Variants in ADAMTSL1 observed in about 807,000 individuals in gnomAD.
The protein encoded by ADAMTSL1 is ADAMTS like 1.
A neutral mutation model predicts 201.8 loss-of-function variants in ADAMTSL1; 126 were observed. The ratio of observed to expected loss-of-function variants is 0.62; its 90% CI spans 0.54 to 0.72. The LOEUF (loss-of-function observed/expected upper bound fraction) is 0.72. Ranked by LOEUF, ADAMTSL1 falls within the 30% of genes least tolerant of loss-of-function variation. The probability of loss-of-function intolerance (pLI) is 0.00; values close to 1 mark genes in which losing one functional copy is unlikely to be tolerated. For missense variants in ADAMTSL1, 2,679 were observed against 2,277.8 expected (o/e 1.18, Z -3.59); for synonymous variants, 1,121 against 903.4 (o/e 1.24, Z -4.32).
chr9:18,113,308 G>C (rs1825110657), intron 1 of ADAMTSL1, among the ~76,000 whole-genome samples: 1 of 152,254 alleles, frequency 6.6e-6, no homozygotes, highest in Admixed American at 6.5e-5. Flanking sequence ...ATCTTGATGG[G>C]GCAGTATCTG....
intron 4 of ADAMTSL1, among the ~76,000 whole-genome samples, chr9:18,589,893 C>A (rs1823796944): frequency 6.6e-6 from 1 of 152,144 alleles, no homozygotes; most frequent in Non-Finnish European, 1.5e-5. Context: ...TGTTGATCAT[C>A]CTTGCATCCC....
At position 18,528,977 on chromosome 9, in the gene ADAMTSL1, T is replaced by C. The variant is rs544913679; in HGVS notation, c.192-4270T>C. Among the ~76,000 whole-genome samples, 5 of 152,130 alleles carry C rather than the reference T, an allele frequency of 3.3e-5. No homozygotes were observed. In the East Asian group the frequency reaches 9.6e-4, roughly 29 times the overall value. On this transcript the variant is annotated intron_variant, in intron 2 of 28. Transcript: ENST00000380548. ...CAGCTGTTTTATATTAACGACCTGT[T>C]AAAAAAAAGAAGGAAAACATTTTTT... is the stretch of plus-strand genomic sequence containing the variant.
chr9:18,243,752 C>T (rs962030097), intron 2 of ADAMTSL1, among the ~76,000 whole-genome samples: 1 of 150,508 alleles, frequency 6.6e-6, no homozygotes, highest in Non-Finnish European at 1.5e-5. Flanking sequence ...GTCCACAGAC[C>T]CAGGCATGCA....
At chr9:18,653,382 C>T (rs947144) in intron 7 of ADAMTSL1, among the ~76,000 whole-genome samples, 27,295 of 152,172 alleles carry the variant, frequency 0.18, 2,792 homozygotes, top group Middle Eastern at 0.25. Context: ...ATCTTTGCCA[C>T]CTTCTTCGTT....
intron 1 of ADAMTSL1, among the ~76,000 whole-genome samples, chr9:17,985,540 G>A (rs573818306): frequency 2.5e-4 from 38 of 152,026 alleles, no homozygotes; most frequent in Non-Finnish European, 1.0e-4. Flanking sequence ...GACTTGACAG[G>A]CAGCATATAA....
chr9:18,511,208 C>T (rs371644658), intron 2 of ADAMTSL1, among the ~76,000 whole-genome samples: 9 of 151,974 alleles, frequency 5.9e-5, no homozygotes, highest in African/African-American at 2.2e-4. Flanking sequence ...TCTTCTGAGA[C>T]CTTTTTTACT....
chr9:18,576,263 A>G (rs1051888549), intron 4 of ADAMTSL1, among the ~76,000 whole-genome samples: 1 of 152,176 alleles, frequency 6.6e-6, no homozygotes, highest in South Asian at 2.1e-4. Flanking sequence ...AAAAACAAAG[A>G]TTGCATTTAA....
At chr9:18,761,934 G>A (rs533832037) in intron 16 of ADAMTSL1, among the ~76,000 whole-genome samples, 1 of 152,262 alleles carries the variant, frequency 6.6e-6, no homozygotes, top group African/African-American at 2.4e-5. Context: ...CCTTCACTGG[G>A]TGAAACCCAC....
At chr9:17,931,366 A>G (rs4325000) in intron 1 of ADAMTSL1, among the ~76,000 whole-genome samples, 87,899 of 151,960 alleles carry the variant, frequency 0.58, 26,695 homozygotes, top group Non-Finnish European at 0.65. Context: ...AATTCTTTCT[A>G]TTTCAATTGT....
chr9:18,362,800 TGTTA>T (rs2133086221), intron 2 of ADAMTSL1, among the ~76,000 whole-genome samples: 1 of 152,348 alleles, frequency 6.6e-6, no homozygotes, highest in South Asian at 2.1e-4. Flanking sequence ...TAGAGTTTGC[TGTTA>T]GTTAGGCAAA....
intron 1 of ADAMTSL1, among the ~76,000 whole-genome samples, chr9:18,129,315 G>C (rs1445649845): frequency 6.6e-6 from 1 of 152,178 alleles, no homozygotes; most frequent in East Asian, 1.9e-4. Flanking sequence ...AATAGAGCTA[G>C]AGGAGAGCTG....
Position 18,892,572 on chromosome 9 carries a change from G to A in ADAMTSL1, c.4827G>A (p.Glu1609=). The A allele has an allele frequency of 6.4e-7, 1 of 1,568,558 alleles. No individual in the cohort carries two copies. Among genetic ancestry groups the A allele is most frequent in the African/African-American group, 1.4e-5 (1 of 74,016 alleles). Residue 1609 remains glutamate (E), a synonymous_variant, in exon 26 of 29, where the codon GAG becomes GAA. Coordinates refer to ENST00000380548, the MANE Select transcript of ADAMTSL1 (RefSeq NM_001040272.6). ...CCTGTAACCAGCAGCTGTGTGTGGAGTGGGCCTTCTCCAGCTGGGGCCAGG... is the reference window on the plus strand; with the variant it reads ...CCTGTAACCAGCAGCTGTGTGTGGAATGGGCCTTCTCCAGCTGGGGCCAGG... ...TQACNQQLCV[E]WAFSSWGQCN... is the part of the protein sequence containing the mutation.
chr9:18,856,339 GTA>G (rs1204387888), intron 23 of ADAMTSL1, among the ~76,000 whole-genome samples: 1 of 151,342 alleles, frequency 6.6e-6, no homozygotes, highest in African/African-American at 2.4e-5. Context: ...TCATATATAA[GTA>G]TTGCTTATTC....
chr9:18,152,699 T>TG (rs968236878), intron 1 of ADAMTSL1, among the ~76,000 whole-genome samples: 15 of 151,768 alleles, frequency 9.9e-5, no homozygotes, highest in African/African-American at 3.4e-4. Flanking sequence ...GGCCAGTGGG[T>TG]GGAAGACGAG....
chr9:18,905,183 G>C (rs1315570251), intron 26 of ADAMTSL1, among the ~76,000 whole-genome samples: 1 of 152,164 alleles, frequency 6.6e-6, no homozygotes, highest in Non-Finnish European at 1.5e-5. Flanking sequence ...GACAGTTGTT[G>C]CTAGGTGTAT....
intron 7 of ADAMTSL1, among the ~76,000 whole-genome samples, chr9:18,646,045 T>A (rs1297676702): frequency 6.6e-6 from 1 of 152,178 alleles, no homozygotes; most frequent in Non-Finnish European, 1.5e-5. Flanking sequence ...TCCATTTGTT[T>A]GTATCCTCTT....
intron 2 of ADAMTSL1, among the ~76,000 whole-genome samples, chr9:18,520,815 CA>C (rs146418573): frequency 2.7e-4 from 41 of 150,722 alleles, no homozygotes; most frequent in African/African-American, 5.3e-4. Flanking sequence ...TCTATCTATT[CA>C]AAAAAAAAAT....
chr9:18,187,986 T>C lies in ADAMTSL1; in HGVS notation c.207+24005T>C, dbSNP rs554897377. 3.9e-5 allele frequency among the ~76,000 whole-genome samples: 6 copies of C among 152,306 alleles called. No homozygotes were observed. The East Asian group carries it at 1.2e-3, about 29-fold the overall frequency. On this transcript the variant is annotated intron_variant, in intron 2 of 29. Coordinates refer to the ADAMTSL1 transcript ENST00000680146. ...GAAATTTAAGAACATGAGGTTTTGA[T>C]GGGTACTGTAGAGTGTGAAAAATAT...
At chr9:17,928,143 C>T (rs10963344) in intron 1 of ADAMTSL1, among the ~76,000 whole-genome samples, 34,538 of 151,650 alleles carry the variant, frequency 0.23, 4,421 homozygotes, top group African/African-American at 0.33. Flanking sequence ...TACAGGGATA[C>T]GCCAACCAGG....
Sources: allele counts gnomAD v4.1 joint callset (sites outside exome capture counted in the v4.1 genomes callset), GRCh38; gene constraint gnomAD v4.1.1; transcripts MANE v1.5; gene names NCBI Gene and HGNC (gene_info 2026-07-23, HGNC 2026-07-21).